The following SYNE3 variants were observed in gnomAD, a reference collection of about 807,000 sequenced individuals.
SYNE3 encodes the protein spectrin repeat containing nuclear envelope family member 3.
In SYNE3, 100 loss-of-function variants were observed where a neutral mutation model predicts 111.2. The observed-to-expected ratio is 0.90, with a 90% confidence interval of 0.77 to 1.06. The LOEUF (loss-of-function observed/expected upper bound fraction) is 1.06. Ranked by LOEUF, SYNE3 falls within the 50% of genes least tolerant of loss-of-function variation. SYNE3 has a pLI of 0.00. For missense variants in SYNE3, 1,160 were observed against 1,240.3 expected (o/e 0.94, Z 0.97); for synonymous variants, 547 against 533.9 (o/e 1.02, Z -0.34).
chr14:95,487,094 A>G (rs1484503764), intron 1 of SYNE3, among the ~76,000 whole-genome samples: 8 of 151,896 alleles, frequency 5.3e-5, no homozygotes, highest in Admixed American at 4.6e-4. Flanking sequence ...GCCCCTCCGC[A>G]CCTGCTTCTA....
Position 95,502,406 on chromosome 14 carries a change from G to A in SYNE3, c.-15+14190C>T, listed in dbSNP as rs1039426830. On this transcript the variant is annotated intron_variant, in intron 1 of 17. Coordinates refer to ENST00000682763, the MANE Select transcript of SYNE3 (RefSeq NM_152592.6). Reference sequence around the variant, plus strand: ...GCTCTGGGTTATGGACGGGACAGCCGCCTACAGCCTGTGTGTCCTGCCTTT... The same window carrying A: ...GCTCTGGGTTATGGACGGGACAGCCACCTACAGCCTGTGTGTCCTGCCTTT... Among the ~76,000 whole-genome samples the A allele has an allele frequency of 7.9e-5, 12 of 152,072 alleles. 1 individual carries two copies. Among genetic ancestry groups the A allele is most frequent in the Admixed American group, 5.9e-4 (9 of 15,294 alleles).
chr14:95,427,238 C>G (rs1885484520), intron 17 of SYNE3, among the ~76,000 whole-genome samples: 4 of 152,170 alleles, frequency 2.6e-5, no homozygotes, highest in Admixed American at 2.6e-4. Context: ...CGCCCATTGT[C>G]AAGCAGACCG....
Position 95,412,065 on chromosome 14 carries a change from C to G in SYNE3, c.*5761G>C, listed in dbSNP as rs1903448829. On this transcript the variant is annotated 3_prime_UTR_variant, in exon 18 of 18. Transcript: ENST00000682763. Reference sequence around the variant, plus strand: ...TGTTGTTCTGTGACCCAGCACAGCCCAACACACTTCTGACCTCCTGAGGCT... The same window carrying G: ...TGTTGTTCTGTGACCCAGCACAGCCGAACACACTTCTGACCTCCTGAGGCT... 1 of 152,638 alleles carries G rather than the reference C, an allele frequency of 6.6e-6. No homozygotes were observed. The highest frequency in any genetic ancestry group is 1.5e-5 in the Non-Finnish European group (1 of 68,364). The allele number at this position is 152,638 out of a possible 1,614,324, so 9.5% of individuals were successfully genotyped here. A position where few individuals can be genotyped will look rare whatever the true frequency, so the allele number is the denominator to read the frequency against.
chr14:95,456,469 G>A (rs980125738), intron 5 of SYNE3, among the ~76,000 whole-genome samples: 1 of 152,216 alleles, frequency 6.6e-6, no homozygotes, highest in Middle Eastern at 3.2e-3. Context: ...CCTGTGCACT[G>A]TAGGATGGTT....
intron 17 of SYNE3, among the ~76,000 whole-genome samples, chr14:95,422,860 C>A: frequency 6.6e-6 from 1 of 152,214 alleles, no homozygotes; most frequent in Non-Finnish European, 1.5e-5. Context: ...CCCCAAGACT[C>A]CCAGGAAGGG....
Position 95,434,039 on chromosome 14 carries a change from C to T in SYNE3, c.2539-630G>A, listed in dbSNP as rs536571319. 4.6e-5 allele frequency among the ~76,000 whole-genome samples: 7 copies of T among 151,892 alleles called. No homozygotes were observed. In the East Asian group the frequency reaches 7.7e-4, roughly 17 times the overall value. Reference sequence around the variant, plus strand: ...AAGCAAGGGGGTTTAACTTGAGGAACGGAAAGTCATTTCTGATATGGCTGG... The same window carrying T: ...AAGCAAGGGGGTTTAACTTGAGGAATGGAAAGTCATTTCTGATATGGCTGG... On this transcript the variant is annotated intron_variant, in intron 15 of 17. Transcript: ENST00000682763.
Position 95,443,570 on chromosome 14 carries a change from T to C in SYNE3, c.1777-281A>G, listed in dbSNP as rs537279218. On this transcript the variant is annotated intron_variant, in intron 10 of 17. Transcript: ENST00000682763. ...GGCATCTCTGGGGACAAACTCACAT[T>C]GGGACTCATACTTGATGACCACCTC... 2.1e-5 allele frequency: 8 copies of C among 383,768 alleles called. No individual in the cohort carries two copies. The South Asian group carries it at 5.9e-4, about 29-fold the overall frequency. 23.8% of individuals were successfully genotyped at this position (383,768 alleles called of 1,614,324 possible). A position where few individuals can be genotyped will look rare whatever the true frequency, so the allele number is the denominator to read the frequency against.
intron 4 of SYNE3, 54 bp downstream of exon 4, chr14:95,465,877 G>T (rs1888130618): frequency 6.6e-6 from 10 of 1,512,834 alleles, no homozygotes; most frequent in Non-Finnish European, 8.9e-6. Context: ...GGTAGATAAG[G>T]GTGGATACAT....
chr14:95,436,962 T>C lies in SYNE3; in HGVS notation c.2396A>G (p.Glu799Gly). The part of the protein sequence containing the change: ...HRRRANLLQE[E>G]EGSHEDFSQL... ...GGAGAAATCTTCATGGCTCCCTTCT[T>C]CTTCCTGTAGAAGATTTGCCTGTAG... is the stretch of plus-strand genomic sequence containing the variant. The change falls in exon 15 of 18, where the codon GAA (glutamate) becomes GGA (glycine). Residue 799 changes from glutamate to glycine, a missense_variant. Physicochemically the swap from Glu to Gly is moderately conservative, Grantham distance 98. Coordinates refer to ENST00000682763, the MANE Select transcript of SYNE3 (RefSeq NM_152592.6). The C allele has an allele frequency of 1.2e-6, 2 of 1,611,260 alleles. No individual in the cohort carries two copies. The highest frequency in any genetic ancestry group is 1.7e-6 in the Non-Finnish European group (2 of 1,178,996).
intron 1 of SYNE3, among the ~76,000 whole-genome samples, chr14:95,486,549 T>A (rs1889559823): frequency 6.6e-6 from 1 of 152,108 alleles, no homozygotes; most frequent in East Asian, 1.9e-4. Context: ...TCCTGGGCCA[T>A]CTGTACTGCA....
chr14:95,511,660 A>G (rs1479188776), intron 1 of SYNE3, among the ~76,000 whole-genome samples: 1 of 152,130 alleles, frequency 6.6e-6, no homozygotes, highest in African/African-American at 2.4e-5. Flanking sequence ...GGTTACGGTG[A>G]GCTGAGATCA....
chr14:95,499,856 CTTTTTT>C (rs10547044), intron 1 of SYNE3, among the ~76,000 whole-genome samples: 1,553 of 90,088 alleles, frequency 0.017, 69 homozygotes, highest in African/African-American at 0.067. Context: ...TAACTCTTGT[CTTTTTT>C]TTTTTTTTTT....
At chr14:95,445,482 T>A (rs1886657846) in intron 9 of SYNE3, among the ~76,000 whole-genome samples, 1 of 152,264 alleles carries the variant, frequency 6.6e-6, no homozygotes, top group African/African-American at 2.4e-5. Flanking sequence ...AAGAATAAGC[T>A]GTCCACAACA....
Position 95,407,525 on chromosome 14 carries a change from C to T in SYNE3, c.*10301G>A, listed in dbSNP as rs924284050. 2 of 152,192 alleles carry T rather than the reference C, an allele frequency of 1.3e-5. No homozygotes were observed. The highest frequency in any genetic ancestry group is 2.4e-5 in the African/African-American group (1 of 41,440). The allele number at this position is 152,192 out of a possible 1,614,324, so 9.4% of individuals were successfully genotyped here. On this transcript the variant is annotated 3_prime_UTR_variant, in exon 18 of 18. Coordinates refer to ENST00000682763, the MANE Select transcript of SYNE3 (RefSeq NM_152592.6). Reference sequence around the variant, plus strand: ...TTGATATGAACCGAGATAACACACACATGTTCCGAGACAGTCGTTTGGCTC... The same window carrying T: ...TTGATATGAACCGAGATAACACACATATGTTCCGAGACAGTCGTTTGGCTC...
intron 1 of SYNE3, among the ~76,000 whole-genome samples, chr14:95,501,088 C>G (rs1890318140): frequency 6.6e-6 from 1 of 152,258 alleles, no homozygotes; most frequent in Non-Finnish European, 1.5e-5. Flanking sequence ...TGCATGCCTT[C>G]TGCCTCCATA....
chr14:95,436,557 G>A (rs775837975), intron 15 of SYNE3, among the ~76,000 whole-genome samples: 1 of 152,232 alleles, frequency 6.6e-6, no homozygotes, highest in African/African-American at 2.4e-5. Context: ...GTGTCACACA[G>A]CAATAGCTAA....
At chr14:95,501,508 G>A (rs1433019993) in intron 1 of SYNE3, among the ~76,000 whole-genome samples, 4 of 152,228 alleles carry the variant, frequency 2.6e-5, no homozygotes, top group African/African-American at 9.6e-5. Flanking sequence ...ACACTAAGCT[G>A]GAGACCTGCC....
At position 95,513,737 on chromosome 14, in the gene SYNE3, TTATATATATATA is replaced by T. The variant is rs59944497; in HGVS notation, c.-15+2847_-15+2858del. ...TTGTGGTCCAGTCAGGCTGCTTAGA[TTATATATATATA>T]TATATATATATATATATATATATTC... On this transcript the variant is annotated intron_variant, in intron 1 of 17. Coordinates refer to ENST00000682763, the MANE Select transcript of SYNE3 (RefSeq NM_152592.6). 7.8e-4 allele frequency among the ~76,000 whole-genome samples: 72 copies of T among 92,500 alleles called. 1 individual carries two copies. The highest frequency in any genetic ancestry group is 1.8e-3 in the African/African-American group (39 of 21,408). The allele number at this position is 92,500 out of a possible 152,430, so 60.7% of individuals were successfully genotyped here.
chr14:95,460,807 AACAG>A lies in SYNE3; in HGVS notation c.628-3473_628-3470del, dbSNP rs533468854. Among the ~76,000 whole-genome samples, 863 of 152,310 alleles carry A rather than the reference AACAG, an allele frequency of 5.7e-3. 1 individual carries two copies. Among genetic ancestry groups the A allele is most frequent in the Non-Finnish European group, 0.01 (681 of 68,022 alleles). ...TCATGAAACAAAGTGGGTCAGGAGTAACAGACAGAGGCTGGATGCTGGGCCCCTG... is the reference window on the plus strand; with the variant it reads ...TCATGAAACAAAGTGGGTCAGGAGTAACAGAGGCTGGATGCTGGGCCCCTG... On this transcript the variant is annotated intron_variant, in intron 4 of 17. Transcript: ENST00000682763.
Sources: allele counts gnomAD v4.1 joint callset (sites outside exome capture counted in the v4.1 genomes callset), GRCh38; gene constraint gnomAD v4.1.1; transcripts MANE v1.5; gene names NCBI Gene and HGNC (gene_info 2026-07-23, HGNC 2026-07-21).